Variants in TXNRD1 observed in about 807,000 individuals in gnomAD.
The protein encoded by TXNRD1 is thioredoxin reductase 1.
Under a neutral mutation model 80.3 loss-of-function variants are expected in TXNRD1, and 57 were observed. The observed-to-expected ratio is 0.71, with a 90% CI of 0.57 to 0.89. The LOEUF (loss-of-function observed/expected upper bound fraction) is 0.89. Among genes scored for constraint, TXNRD1 ranks in the 40% least tolerant of loss-of-function variants. The pLI is 0.00. For synonymous variants in TXNRD1, 291 were observed against 285.2 expected (o/e 1.02, Z -0.20); for missense variants, 730 against 803.0 (o/e 0.91, Z 1.10).
intron 2 of TXNRD1, 49 bp downstream of exon 2, chr12:104,251,727 A>G: frequency 6.3e-7 from 1 of 1,589,938 alleles, no homozygotes; most frequent in Non-Finnish European, 8.6e-7. Context: ...GGAATTTGAC[A>G]GACTTTTGAG....
At position 104,304,660 on chromosome 12, in the gene TXNRD1, T is replaced by C. The variant is rs1187442425; in HGVS notation, c.415-6630T>C. 10 of 1,613,890 alleles carry C rather than the reference T, an allele frequency of 6.2e-6. No individual in the cohort carries two copies. In the Admixed American group the frequency reaches 1.5e-4, roughly 24 times the overall value. On this transcript the variant is annotated intron_variant, in intron 4 of 16. Coordinates refer to ENST00000525566, the MANE Select transcript of TXNRD1 (RefSeq NM_001093771.3). ...AGTATCCTGATACTCCTGTGTCCTA[T>C]TTTGAGTTTGTGATTGATCCAAACT...
At chr12:104,310,954 G>A (rs563311290) in intron 4 of TXNRD1, among the ~76,000 whole-genome samples, 118 of 152,224 alleles carry the variant, frequency 7.8e-4, no homozygotes, top group African/African-American at 2.7e-3. Context: ...TATTTACCAA[G>A]CCCCTATCTT....
In TXNRD1 at chr12:104,298,325, C is replaced by A. The variant is rs540107475; in HGVS notation, c.414+9285C>A. Reference sequence around the variant, plus strand: ...CTGTACACACTTTGAATAGTTGAAGCCTTCGTAGGTTTTTAAAATTTTGTT... The same window carrying A: ...CTGTACACACTTTGAATAGTTGAAGACTTCGTAGGTTTTTAAAATTTTGTT... On this transcript the variant is annotated intron_variant, in intron 4 of 16. Transcript: ENST00000525566. Among the ~76,000 whole-genome samples, 7 of 152,200 alleles carry A rather than the reference C, an allele frequency of 4.6e-5. No individual in the cohort carries two copies. The South Asian group carries it at 1.5e-3, about 32-fold the overall frequency.
At chr12:104,307,718 A>T (rs1407413895) in intron 4 of TXNRD1, among the ~76,000 whole-genome samples, 1 of 152,200 alleles carries the variant, frequency 6.6e-6, no homozygotes, top group Non-Finnish European at 1.5e-5. Context: ...TCCAATTTTA[A>T]AAGACTGCCA....
intron 6 of TXNRD1, among the ~76,000 whole-genome samples, chr12:104,313,962 G>A (rs1193752761): frequency 6.6e-6 from 1 of 152,226 alleles, no homozygotes; most frequent in Non-Finnish European, 1.5e-5. Flanking sequence ...GACATCTGAA[G>A]AGGTGACATT....
intron 3 of TXNRD1, among the ~76,000 whole-genome samples, chr12:104,287,986 T>G (rs574569790): frequency 9.9e-5 from 15 of 151,854 alleles, no homozygotes; most frequent in African/African-American, 2.4e-5. Context: ...TTTTTGTTGG[T>G]TTTTTTTGTT....
intron 3 of TXNRD1, among the ~76,000 whole-genome samples, chr12:104,270,918 G>T (rs973919961): frequency 6.6e-6 from 1 of 151,866 alleles, no homozygotes; most frequent in Admixed American, 6.6e-5. Flanking sequence ...GGAGGCCGAG[G>T]GGGGTGGATC....
intron 4 of TXNRD1, among the ~76,000 whole-genome samples, chr12:104,290,753 A>ATATATATATATATATG (rs1315195074): frequency 1.7e-4 from 19 of 113,978 alleles, no homozygotes; most frequent in Non-Finnish European, 3.3e-4. Flanking sequence ...ATATATATAT[A>ATATATATATATATATG]TATATGTATA....
At chr12:104,302,130 G>A (rs757293196) in intron 4 of TXNRD1, among the ~76,000 whole-genome samples, 34 of 152,146 alleles carry the variant, frequency 2.2e-4, no homozygotes, top group Non-Finnish European at 3.4e-4. Context: ...ACAACTAACC[G>A]TAATGCATGG....
chr12:104,225,388 A>G (rs765885247), intron 1 of TXNRD1, among the ~76,000 whole-genome samples: 8 of 152,194 alleles, frequency 5.3e-5, no homozygotes, highest in African/African-American at 1.7e-4. Flanking sequence ...GCCTTGCTTA[A>G]TAGAGTGATT....
chr12:104,227,977 G>T (rs1302226966), intron 1 of TXNRD1, among the ~76,000 whole-genome samples: 1 of 151,934 alleles, frequency 6.6e-6, no homozygotes, highest in East Asian at 1.9e-4. Context: ...TTATAGAGTT[G>T]CTATAAGCAT....
intron 1 of TXNRD1, among the ~76,000 whole-genome samples, chr12:104,218,983 G>T (rs2032285296): frequency 6.6e-6 from 1 of 152,126 alleles, no homozygotes; most frequent in Non-Finnish European, 1.5e-5. Context: ...TCACTCTGTT[G>T]CCTAGATTAG....
intron 3 of TXNRD1, among the ~76,000 whole-genome samples, chr12:104,287,656 G>T (rs2034021146): frequency 6.6e-6 from 1 of 152,036 alleles, no homozygotes; most frequent in Non-Finnish European, 1.5e-5. Context: ...AGATCAAGTG[G>T]CGTGCCCAGC....
chr12:104,331,416 A>C (rs1168132167), intron 13 of TXNRD1, 118 bp from the exon 14 acceptor site: 1 of 575,452 alleles, frequency 1.7e-6, no homozygotes, highest in Non-Finnish European at 3.1e-6. Flanking sequence ...GAGACTTCAC[A>C]TACTTTGGTA....
At chr12:104,348,285 C>T (rs921097002) in intron 16 of TXNRD1, 68 bp from the exon 17 acceptor site, 3 of 1,484,380 alleles carry the variant, frequency 2.0e-6, no homozygotes, top group Middle Eastern at 1.7e-4. Flanking sequence ...ATGGCATTAT[C>T]TGAACTGTTC....
chr12:104,321,189 G>T lies in TXNRD1; in HGVS notation c.1088G>T (p.Gly363Val), dbSNP rs747589722. The T allele has an allele frequency of 1.5e-5, 24 of 1,613,316 alleles. No homozygotes were observed. Among genetic ancestry groups the T allele is most frequent in the Non-Finnish European group, 1.8e-5 (21 of 1,179,836 alleles). The change falls in exon 10 of 17, where the codon GGT becomes GTT. Residue 363 changes from glycine (G) to valine (V), a missense_variant. Coordinates refer to ENST00000525566, the MANE Select transcript of TXNRD1 (RefSeq NM_001093771.3). ...TGCGCTGGATTTCTTGCTGGTATTG[G>T]TTTAGACGTCACTGTTATGGTTAGG... ...LECAGFLAGI[G>V]LDVTVMVRSI...
At chr12:104,348,328 T>C (rs1304751893) in intron 16 of TXNRD1, 25 bp from the exon 17 acceptor site, 1 of 1,612,920 alleles carries the variant, frequency 6.2e-7, no homozygotes, top group Admixed American at 1.7e-5. Context: ...CATCTGAAGA[T>C]GTTGTGCTTT....
At chr12:104,272,795 AAAAAAAAAGAAAAG>A (rs1033714100) in intron 3 of TXNRD1, among the ~76,000 whole-genome samples, 10 of 151,904 alleles carry the variant, frequency 6.6e-5, no homozygotes, top group African/African-American at 1.9e-4. Flanking sequence ...CCACCTAAAA[AAAAAAAAAGAAAAG>A]AAAAAAAAGT....
In TXNRD1 at chr12:104,235,530, A is replaced by T. The variant is rs547318289; in HGVS notation, c.92-15997A>T. Among the ~76,000 whole-genome samples, 3 of 152,250 alleles carry T rather than the reference A, an allele frequency of 2.0e-5. No individual in the cohort carries two copies. The East Asian group carries it at 5.8e-4, about 29-fold the overall frequency. On this transcript the variant is annotated intron_variant, in intron 1 of 16. Coordinates refer to ENST00000525566, the MANE Select transcript of TXNRD1 (RefSeq NM_001093771.3). ...CATCAAGAGGGTAAAAAGGTTTACCAGTCGGGCTTTTGGCTTCTCTCTCCT... is the reference window on the plus strand; with the variant it reads ...CATCAAGAGGGTAAAAAGGTTTACCTGTCGGGCTTTTGGCTTCTCTCTCCT...
Sources: gnomAD v4.1 joint callset for allele counts (sites outside exome capture counted in the v4.1 genomes callset) on GRCh38, gnomAD v4.1.1 for gene constraint, MANE v1.5 for transcripts, NCBI Gene and HGNC (gene_info 2026-07-23, HGNC 2026-07-21) for gene names.